The following PDE10A variants were observed in gnomAD, a reference collection of about 807,000 sequenced individuals.
PDE10A encodes the protein phosphodiesterase 10A, also known as cAMP and cAMP-inhibited cGMP 3',5'-cyclic phosphodiesterase 10A.
A neutral mutation model predicts 97.7 loss-of-function variants in PDE10A; 39 were observed. The ratio of observed to expected loss-of-function variants is 0.40; its 90% CI spans 0.31 to 0.52. The LOEUF is 0.52. Ranked by LOEUF, PDE10A falls within the 20% of genes least tolerant of loss-of-function variation. The probability of loss-of-function intolerance (pLI) is 0.56; values close to 1 mark genes in which losing one functional copy is unlikely to be tolerated. For missense variants in PDE10A, 731 were observed against 1,047.8 expected (o/e 0.70, Z 4.17); for synonymous variants, 371 against 376.8 (o/e 0.98, Z 0.18).
intron 1 of PDE10A, among the ~76,000 whole-genome samples, chr6:165,944,351 C>T (rs1186500674): frequency 6.6e-6 from 1 of 152,102 alleles, no homozygotes; most frequent in African/African-American, 2.4e-5. Flanking sequence ...TTGTATTTTT[C>T]CTTTGGTTTT....
At chr6:165,797,471 A>G (rs929198508) in intron 1 of PDE10A, among the ~76,000 whole-genome samples, 4 of 152,220 alleles carry the variant, frequency 2.6e-5, no homozygotes, top group African/African-American at 9.7e-5. Flanking sequence ...TTCCTCCTAA[A>G]AGACAGAATC....
intron 1 of PDE10A, among the ~76,000 whole-genome samples, chr6:165,696,415 C>A (rs1791444926): frequency 6.6e-6 from 1 of 152,172 alleles, no homozygotes; most frequent in African/African-American, 2.4e-5. Flanking sequence ...ATGTGAATCA[C>A]CCCTTTGTCC....
chr6:165,851,711 C>T (rs572504431), intron 1 of PDE10A, among the ~76,000 whole-genome samples: 1 of 152,052 alleles, frequency 6.6e-6, no homozygotes, highest in South Asian at 2.1e-4. Context: ...GTGGGGTAGT[C>T]CATATTGAAA....
intron 1 of PDE10A, among the ~76,000 whole-genome samples, chr6:165,736,881 AAAGTT>A (rs147971455): frequency 0.013 from 2,006 of 152,326 alleles, 37 homozygotes; most frequent in African/African-American, 0.042. Context: ...TAGCTTTTGA[AAAGTT>A]AAGCAAAATT....
At chr6:165,371,905 A>G (rs563336743) in intron 18 of PDE10A, among the ~76,000 whole-genome samples, 40 of 152,236 alleles carry the variant, frequency 2.6e-4, no homozygotes, top group African/African-American at 8.2e-4. Context: ...CATCCCTGGG[A>G]TGCAAGGCTG....
At chr6:165,352,622 T>C (rs56230859) in intron 18 of PDE10A, among the ~76,000 whole-genome samples, 4,015 of 151,474 alleles carry the variant, frequency 0.027, 185 homozygotes, top group African/African-American at 0.092. Context: ...TAACAAATGG[T>C]GCCAGAACAA....
Position 165,565,650 on chromosome 6 carries a change from C to T in PDE10A, c.866-22082G>A, listed in dbSNP as rs972437078. ...AATATTGTAAGAGAACAACAAAGTT[C>T]GAGGACTGACAATACCCAACTTCAA... is the stretch of plus-strand genomic sequence containing the variant. On this transcript the variant is annotated intron_variant, in intron 1 of 21. Coordinates refer to ENST00000539869, the MANE Select transcript of PDE10A (RefSeq NM_001385079.1). 7.2e-5 allele frequency among the ~76,000 whole-genome samples: 11 copies of T among 152,032 alleles called. No individual in the cohort carries two copies. The East Asian group carries it at 1.9e-3, about 27-fold the overall frequency.
intron 3 of PDE10A, among the ~76,000 whole-genome samples, chr6:165,477,067 G>A (rs1779335041): frequency 6.6e-6 from 1 of 152,138 alleles, no homozygotes; most frequent in Non-Finnish European, 1.5e-5. Flanking sequence ...GACCAACAGA[G>A]ATCTGACTGA....
intron 1 of PDE10A, among the ~76,000 whole-genome samples, chr6:165,918,263 A>G (rs1782661795): frequency 6.6e-6 from 1 of 152,216 alleles, no homozygotes; most frequent in African/African-American, 2.4e-5. Context: ...GAATTTTCAT[A>G]TGTGCCCTCC....
At chr6:165,842,382 G>A (rs991351343) in intron 1 of PDE10A, among the ~76,000 whole-genome samples, 1 of 152,162 alleles carries the variant, frequency 6.6e-6, no homozygotes, top group East Asian at 1.9e-4. Context: ...CAACAGTTCT[G>A]TAATTACTGT....
chr6:165,972,134 G>T (rs1378015264), intron 1 of PDE10A, among the ~76,000 whole-genome samples: 2 of 152,124 alleles, frequency 1.3e-5, no homozygotes, highest in Non-Finnish European at 2.9e-5. Flanking sequence ...AAGCACATTG[G>T]AATAAGGATT....
intron 1 of PDE10A, among the ~76,000 whole-genome samples, chr6:165,960,880 C>T (rs62425370): frequency 0.048 from 7,246 of 152,226 alleles, 230 homozygotes; most frequent in Middle Eastern, 0.13. Flanking sequence ...GTGAGGGAGG[C>T]AGCTCTGCGC....
At chr6:165,578,445 A>G (rs1238047272) in intron 1 of PDE10A, among the ~76,000 whole-genome samples, 2 of 152,206 alleles carry the variant, frequency 1.3e-5, no homozygotes, top group African/African-American at 4.8e-5. Context: ...TTTAACCAAA[A>G]GAACAACAGT....
chr6:165,649,109 C>T (rs1286891961), intron 1 of PDE10A, among the ~76,000 whole-genome samples: 3 of 152,146 alleles, frequency 2.0e-5, no homozygotes, highest in Admixed American at 6.5e-5. Context: ...GTGTGCTCCA[C>T]GGGTTACCTG....
At chr6:165,899,419 T>C (rs1229358675) in intron 1 of PDE10A, among the ~76,000 whole-genome samples, 2 of 152,216 alleles carry the variant, frequency 1.3e-5, no homozygotes, top group Non-Finnish European at 2.9e-5. Context: ...TCCATGAATA[T>C]TGACTGAGAG....
chr6:165,802,683 C>A (rs1350888556), intron 1 of PDE10A, among the ~76,000 whole-genome samples: 1 of 152,208 alleles, frequency 6.6e-6, no homozygotes, highest in African/African-American at 2.4e-5. Context: ...CTGGTCCGTT[C>A]CACACATATG....
chr6:165,830,782 C>T (rs961606536), intron 1 of PDE10A, among the ~76,000 whole-genome samples: 5 of 152,166 alleles, frequency 3.3e-5, no homozygotes, highest in African/African-American at 1.2e-4. Flanking sequence ...TCAATTCTCC[C>T]CCATTTCTTG....
At chr6:165,431,381 C>A in intron 8 of PDE10A, 41 bp downstream of exon 8, 1 of 1,445,206 alleles carries the variant, frequency 6.9e-7, no homozygotes, top group Non-Finnish European at 9.5e-7. Flanking sequence ...AAAACCTCTT[C>A]TCCCTTAGGA....
At position 165,655,120 on chromosome 6, in the gene PDE10A, A is replaced by G. The variant is rs1038032382; in HGVS notation, c.865+6827T>C. 6.6e-6 allele frequency among the ~76,000 whole-genome samples: 1 copy of G among 151,988 alleles called. No individual in the cohort carries two copies. Among genetic ancestry groups the G allele is most frequent in the Non-Finnish European group, 1.5e-5 (1 of 68,014 alleles). On this transcript the variant is annotated intron_variant, in intron 1 of 21. Transcript: ENST00000539869. The surrounding 1 kb of genome is among the most constrained non-coding windows in gnomAD (Gnocchi z 4.5). ...TGTCAAACTTCAGCCAGGCACTTAC[A>G]TTGCACCCAGCTATGGTTGATTAAC...
Sources: allele counts gnomAD v4.1 joint callset (sites outside exome capture counted in the v4.1 genomes callset), GRCh38; gene constraint gnomAD v4.1.1; non-coding constraint Gnocchi (gnomAD v3.1); transcripts MANE v1.5; gene names NCBI Gene and HGNC (gene_info 2026-07-23, HGNC 2026-07-21).